The following CAMK2B variants were observed in gnomAD, a reference collection of about 807,000 sequenced individuals.
The protein encoded by CAMK2B is calcium/calmodulin-dependent protein kinase type II subunit beta.
CAMK2B carries 27 observed loss-of-function variants against 93.7 expected under a neutral mutation model. The observed-to-expected ratio is 0.29, with a 90% CI of 0.21 to 0.40. CAMK2B has a LOEUF of 0.40. Ranked by LOEUF, CAMK2B falls within the 10% of genes least tolerant of loss-of-function variation. CAMK2B has a pLI of 1.00. For missense variants in CAMK2B, 568 were observed against 895.8 expected (o/e 0.63, Z 4.67); for synonymous variants, 374 against 358.8 (o/e 1.04, Z -0.48).
chr7:44,247,209 G>A lies in CAMK2B; in HGVS notation c.342-17C>T. The stretch of plus-strand genomic sequence containing the variant: ...ATACAGTGACTGTGGCAAACAGCAG[G>A]TGGGTTAGTGCGAGTGGCCCTGGGG... On this transcript the variant is annotated splice_polypyrimidine_tract_variant and intron_variant, in intron 5 of 23. Coordinates refer to ENST00000395749, the MANE Select transcript of CAMK2B (RefSeq NM_001220.5). 6.2e-7 allele frequency: 1 copy of A among 1,612,722 alleles called. No homozygotes were observed. The highest frequency in any genetic ancestry group is 8.5e-7 in the Non-Finnish European group (1 of 1,178,796).
At chr7:44,262,726 G>C (rs2096889778) in intron 3 of CAMK2B, among the ~76,000 whole-genome samples, 1 of 152,152 alleles carries the variant, frequency 6.6e-6, no homozygotes, top group Non-Finnish European at 1.5e-5. Flanking sequence ...AGTGGGATGG[G>C]AAAGGGACCT....
rs190242175 is a variant in CAMK2B, at chr7:44,229,388, A to T, written c.1339T>A (p.Ser447Thr). 6.6e-7 allele frequency: 1 copy of T among 1,523,688 alleles called. No individual in the cohort carries two copies. The allele number at this position is 1,523,688 out of a possible 1,614,324, so 94.4% of individuals were successfully genotyped here. ...CAGCAGCAGGACCCAGGCTACTTAC[A>T]TGGGGCTGGCAGGGGGCTAAAGGGA... The part of the protein sequence containing the change: ...PAPFSPLPAP[S>T]PRISDILNSV... The change falls in exon 18 of 24, where the codon TCC (serine) becomes ACC (threonine). Residue 447 changes from serine to threonine, a missense_variant and splice_region_variant. Around this residue, in one of 4 missense-constraint regions of CAMK2B, gnomAD observed 308 missense variants for 292.1 expected, o/e 1.05. Transcript: ENST00000395749.
At chr7:44,284,637 G>C (rs111386168) in intron 1 of CAMK2B, among the ~76,000 whole-genome samples, 4 of 152,220 alleles carry the variant, frequency 2.6e-5, no homozygotes, top group Non-Finnish European at 4.4e-5. Context: ...CATCCTCGGG[G>C]GCTCTGTACC....
intron 16 of CAMK2B, among the ~76,000 whole-genome samples, chr7:44,232,357 G>T (rs2096587455): frequency 6.6e-6 from 1 of 152,334 alleles, no homozygotes; most frequent in East Asian, 1.9e-4. Context: ...TGGCCCCAGA[G>T]TGATGATGCC....
At position 44,271,873 on chromosome 7, in the gene CAMK2B, G is replaced by A. The variant is rs1372765759; in HGVS notation, c.161-8809C>T. On this transcript the variant is annotated intron_variant, in intron 2 of 23. Coordinates refer to ENST00000395749, the MANE Select transcript of CAMK2B (RefSeq NM_001220.5). This position sits in a 1 kb window ranked among gnomAD's most constrained non-coding sequence, Gnocchi z 4.2. ...AAAAGGAAAACTGCTCCTTGAGAATGACCCTATGAGTCCCTTCAGGGTAGT... is the reference window on the plus strand; with the variant it reads ...AAAAGGAAAACTGCTCCTTGAGAATAACCCTATGAGTCCCTTCAGGGTAGT... 6.6e-6 allele frequency among the ~76,000 whole-genome samples: 1 copy of A among 152,252 alleles called. No individual in the cohort carries two copies. Among genetic ancestry groups the A allele is most frequent in the Non-Finnish European group, 1.5e-5 (1 of 68,044 alleles).
chr7:44,240,763 CAG>C lies in CAMK2B; in HGVS notation c.904-16_904-15del, dbSNP rs780361154. 1 of 1,613,318 alleles carries C rather than the reference CAG, an allele frequency of 6.2e-7. No homozygotes were observed. The highest frequency in any genetic ancestry group is 1.1e-5 in the South Asian group (1 of 90,794). On this transcript the variant is annotated splice_polypyrimidine_tract_variant and intron_variant, in intron 11 of 23. Coordinates refer to ENST00000395749, the MANE Select transcript of CAMK2B (RefSeq NM_001220.5). Reference sequence around the variant, plus strand: ...GAGGATGGCTCCCTGGGGAGAGACACAGATAAAACCGGGGCTATCCCATCAGT... The same window carrying C: ...GAGGATGGCTCCCTGGGGAGAGACACATAAAACCGGGGCTATCCCATCAGT...
intron 1 of CAMK2B, among the ~76,000 whole-genome samples, chr7:44,318,124 GC>G (rs1310423435): frequency 6.6e-6 from 1 of 152,138 alleles, no homozygotes; most frequent in Admixed American, 6.5e-5. Flanking sequence ...CTAACTAATG[GC>G]CTGGATCAAA....
intron 2 of CAMK2B, among the ~76,000 whole-genome samples, chr7:44,263,301 C>T (rs887523519): frequency 6.6e-6 from 1 of 152,194 alleles, no homozygotes; most frequent in Non-Finnish European, 1.5e-5. Flanking sequence ...GGGTAGTGAG[C>T]GCTGCTAACT....
intron 1 of CAMK2B, among the ~76,000 whole-genome samples, chr7:44,304,912 C>T (rs1358492564): frequency 1.3e-5 from 2 of 151,890 alleles, no homozygotes; most frequent in Non-Finnish European, 2.9e-5. Flanking sequence ...AAAATGAAGC[C>T]CATTAATTTC....
In CAMK2B at chr7:44,258,396, C is replaced by T. The variant is rs542453294; in HGVS notation, c.275+476G>A. On this transcript the variant is annotated intron_variant, in intron 4 of 23. Coordinates refer to ENST00000395749, the MANE Select transcript of CAMK2B (RefSeq NM_001220.5). ...TATGGACCCTGATTTCATGTGCTCA[C>T]GCGCCCCCACGTGCAAACACCCACA... Among the ~76,000 whole-genome samples the T allele has an allele frequency of 9.7e-4, 147 of 152,320 alleles. 1 individual carries two copies. The highest frequency in any genetic ancestry group is 6.8e-3 in the Middle Eastern group (2 of 294).
chr7:44,320,137 A>G (rs1322806961), intron 1 of CAMK2B, among the ~76,000 whole-genome samples: 1 of 152,184 alleles, frequency 6.6e-6, no homozygotes, highest in African/African-American at 2.4e-5. Flanking sequence ...TTTAATTAAT[A>G]AAATAAAAAT....
At position 44,239,626 on chromosome 7, in the gene CAMK2B, G is replaced by A. The variant is rs1383187454; in HGVS notation, c.984C>T (p.Thr328=). 4 of 1,550,426 alleles carry A rather than the reference G, an allele frequency of 2.6e-6. No individual in the cohort carries two copies. Among genetic ancestry groups the A allele is most frequent in the East Asian group, 2.4e-5 (1 of 40,912 alleles). The part of the protein sequence containing the change: ...RQTTAPATMS[T]AASGTTMGLV... ...GCCCCATGGTGGTGCCGGAGGCCGC[G>A]GTGGACATTGTGGCCGGAGCGGTGG... Residue 328 remains threonine (T), a synonymous_variant, in exon 13 of 24, where the codon ACC becomes ACT. Coordinates refer to ENST00000395749, the MANE Select transcript of CAMK2B (RefSeq NM_001220.5).
At chr7:44,240,775 G>A (rs776643801) in intron 11 of CAMK2B, 26 bp from the exon 12 acceptor site, 1 of 1,612,110 alleles carries the variant, frequency 6.2e-7, no homozygotes, top group Non-Finnish European at 8.5e-7. Flanking sequence ...GATAAAACCG[G>A]GGCTATCCCA....
chr7:44,307,146 A>G (rs1584842250), intron 1 of CAMK2B, among the ~76,000 whole-genome samples: 1 of 103,822 alleles, frequency 9.6e-6, no homozygotes, highest in African/African-American at 3.9e-5. Context: ...GGAGGGTGTG[A>G]GCAGAGGGAG....
In CAMK2B at chr7:44,277,624, G is replaced by A. The variant is rs140473890; in HGVS notation, c.160+6507C>T. On this transcript the variant is annotated intron_variant, in intron 2 of 23. Transcript: ENST00000395749. Reference sequence around the variant, plus strand: ...GAGTGAGCGAGGCCCCTCCACTGGCGCTAGACCCAAATCAGGGGTGAAATG... The same window carrying A: ...GAGTGAGCGAGGCCCCTCCACTGGCACTAGACCCAAATCAGGGGTGAAATG... Among the ~76,000 whole-genome samples, 236 of 152,288 alleles carry A rather than the reference G, an allele frequency of 1.5e-3. 3 individuals are homozygous for A. The highest frequency in any genetic ancestry group is 5.4e-3 in the African/African-American group (224 of 41,550).
chr7:44,325,344 C>A lies in CAMK2B; in HGVS notation c.65+13G>T. 1 of 1,240,640 alleles carries A rather than the reference C, an allele frequency of 8.1e-7. No homozygotes were observed. Among genetic ancestry groups the A allele is most frequent in the Non-Finnish European group, 1.0e-6 (1 of 962,536 alleles). The allele number at this position is 1,240,640 out of a possible 1,614,324, so 76.9% of individuals were successfully genotyped here. On this transcript the variant is annotated intron_variant, in intron 1 of 23. Transcript: ENST00000395749. Reference sequence around the variant, plus strand: ...GGGTCCCCGGCCCAGCCCGCGCGCGCCGCTGCTCTTACTTGCCAATATCCT... The same window carrying A: ...GGGTCCCCGGCCCAGCCCGCGCGCGACGCTGCTCTTACTTGCCAATATCCT...
chr7:44,221,409 C>A (rs1357828587), intron 20 of CAMK2B, among the ~76,000 whole-genome samples: 1 of 152,212 alleles, frequency 6.6e-6, no homozygotes, highest in African/African-American at 2.4e-5. Flanking sequence ...AGGCACCAGG[C>A]GAGAAGGCAG....
chr7:44,220,747 A>G (rs1170894640), intron 21 of CAMK2B, 37 bp from the exon 22 acceptor site: 1 of 1,580,486 alleles, frequency 6.3e-7, no homozygotes, highest in Admixed American at 1.8e-5. Context: ...GGCCCCGTGG[A>G]CCCCTGACTC....
chr7:44,226,821 G>A (rs528241782), intron 19 of CAMK2B, among the ~76,000 whole-genome samples, 177 bp from the exon 20 acceptor site: 15 of 59,902 alleles, frequency 2.5e-4, no homozygotes, highest in Non-Finnish European at 4.6e-4. Context: ...GGAAGATGGT[G>A]GACCTGGGCC....
Sources: gnomAD v4.1 joint callset for allele counts (sites outside exome capture counted in the v4.1 genomes callset) on GRCh38, gnomAD v4.1.1 for gene constraint, gnomAD v4.1.1 regional missense constraint, Gnocchi (gnomAD v3.1) non-coding constraint, MANE v1.5 for transcripts, NCBI Gene and HGNC (gene_info 2026-07-23, HGNC 2026-07-21) for gene names.